CUBN: variants seen among roughly 807,000 people sequenced by gnomAD.
CUBN encodes 460 kDa receptor.
Under a neutral mutation model 405.3 loss-of-function variants are expected in CUBN, and 282 were observed. The ratio of observed to expected loss-of-function variants is 0.70; its 90% confidence interval spans 0.63 to 0.77. CUBN has a LOEUF of 0.77. Among genes scored for constraint, CUBN ranks in the 30% least tolerant of loss-of-function variants. CUBN has a pLI of 0.00. For missense variants in CUBN, 4,514 were observed against 4,475.2 expected (o/e 1.01, Z -0.25); for synonymous variants, 1,684 against 1,617.0 (o/e 1.04, Z -0.99).
chr10:17,105,852 C>A (rs971891089), intron 10 of CUBN, among the ~76,000 whole-genome samples: 6 of 152,228 alleles, frequency 3.9e-5, no homozygotes, highest in Admixed American at 2.0e-4. Context: ...TGGTCCTGAG[C>A]TGTGCACAAA....
At chr10:17,070,062 T>C (rs530965814) in intron 19 of CUBN, among the ~76,000 whole-genome samples, 26 of 152,184 alleles carry the variant, frequency 1.7e-4, no homozygotes, top group Non-Finnish European at 3.1e-4. Flanking sequence ...GTGTATGCTA[T>C]AAGGAAGGGG....
intron 48 of CUBN, among the ~76,000 whole-genome samples, chr10:16,911,202 G>A (rs1588642457): frequency 6.6e-6 from 1 of 152,188 alleles, no homozygotes; most frequent in East Asian, 1.9e-4. Context: ...AAAATGTAAA[G>A]AGGACCCAAT....
intron 63 of CUBN, among the ~76,000 whole-genome samples, chr10:16,835,639 C>T (rs1839146651): frequency 3.5e-5 from 5 of 141,616 alleles, no homozygotes; most frequent in Admixed American, 2.9e-4. Flanking sequence ...TAAAAAAATA[C>T]CAAAAGTACT....
chr10:16,946,251 C>G (rs1842778008), intron 36 of CUBN, among the ~76,000 whole-genome samples: 2 of 152,144 alleles, frequency 1.3e-5, no homozygotes. Flanking sequence ...ACATATACCT[C>G]TCTATCAGTT....
intron 27 of CUBN, among the ~76,000 whole-genome samples, chr10:17,031,800 T>C (rs1446934715): frequency 1.3e-5 from 2 of 152,200 alleles, no homozygotes; most frequent in African/African-American, 4.8e-5. Context: ...AATTTGGAAA[T>C]TGAAGAATCA....
At chr10:17,006,183 GACA>G (rs1834019594) in intron 28 of CUBN, among the ~76,000 whole-genome samples, 2 of 152,200 alleles carry the variant, frequency 1.3e-5, no homozygotes, top group South Asian at 4.1e-4. Flanking sequence ...TCTATATTTA[GACA>G]ACAAGCCCAA....
At chr10:16,841,153 A>G (rs1250512674) in intron 60 of CUBN, 106 bp from the exon 61 acceptor site, 11 of 907,896 alleles carry the variant, frequency 1.2e-5, no homozygotes, top group Non-Finnish European at 1.9e-5. Context: ...ACATTTTTAC[A>G]TTGATTTTCT....
At chr10:16,972,127 C>T (rs1247749809) in intron 31 of CUBN, among the ~76,000 whole-genome samples, 2 of 152,140 alleles carry the variant, frequency 1.3e-5, no homozygotes, top group African/African-American at 4.8e-5. Context: ...TGGTTCTCCA[C>T]CAAGCACTCA....
chr10:16,998,612 T>A (rs1461713571), intron 28 of CUBN, among the ~76,000 whole-genome samples: 2 of 152,246 alleles, frequency 1.3e-5, no homozygotes, highest in Admixed American at 1.3e-4. Context: ...CTTTCCCTGA[T>A]AATTGAGGTG....
At chr10:17,010,329 G>C (rs1422103190) in intron 28 of CUBN, among the ~76,000 whole-genome samples, 2 of 152,150 alleles carry the variant, frequency 1.3e-5, no homozygotes, top group Non-Finnish European at 2.9e-5. Context: ...ACGGATCCAT[G>C]AGTTGACTTA....
chr10:16,891,895 A>C (rs1202686824), intron 54 of CUBN, among the ~76,000 whole-genome samples: 1 of 152,066 alleles, frequency 6.6e-6, no homozygotes, highest in African/African-American at 2.4e-5. Context: ...ACAATCTGCA[A>C]TACCCAATAT....
chr10:17,052,311 T>C (rs1015784104), intron 22 of CUBN, among the ~76,000 whole-genome samples: 6 of 152,138 alleles, frequency 3.9e-5, no homozygotes, highest in Non-Finnish European at 8.8e-5. Flanking sequence ...AGGAAAATGA[T>C]ACCAAACAGA....
intron 64 of CUBN, among the ~76,000 whole-genome samples, chr10:16,833,967 G>A (rs1258095822): frequency 6.6e-6 from 1 of 152,218 alleles, no homozygotes; most frequent in Non-Finnish European, 1.5e-5. Flanking sequence ...AGACTCTTGT[G>A]TGGTACAAAG....
rs181101248 is a variant in CUBN, at chr10:16,946,558, C to G, written c.5342+677G>C. Among the ~76,000 whole-genome samples the G allele has an allele frequency of 1.9e-3, 265 of 142,494 alleles. 1 individual carries two copies. The highest frequency in any genetic ancestry group is 6.7e-3 in the African/African-American group (253 of 37,982). 93.5% of individuals were successfully genotyped at this position (142,494 alleles called of 152,430 possible). ...TTGCCCAAGCTGGAGTGCAGTGGCT[C>G]AATCTCAGTGCACCACAACCTCCAC... On this transcript the variant is annotated intron_variant, in intron 36 of 66. Coordinates refer to ENST00000377833, the MANE Select transcript of CUBN (RefSeq NM_001081.4).
intron 4 of CUBN, among the ~76,000 whole-genome samples, chr10:17,126,219 C>T (rs1393906332): frequency 2.0e-5 from 3 of 152,198 alleles, no homozygotes; most frequent in African/African-American, 7.2e-5. Context: ...AAAAGGTCAG[C>T]TTCCTACAAA....
intron 59 of CUBN, among the ~76,000 whole-genome samples, chr10:16,868,224 C>T (rs1564394274): frequency 6.6e-6 from 1 of 152,144 alleles, no homozygotes; most frequent in Non-Finnish European, 1.5e-5. Flanking sequence ...TTTTCTGATA[C>T]AATTTGTCTT....
intron 6 of CUBN, among the ~76,000 whole-genome samples, chr10:17,118,551 C>T (rs1836958623): frequency 6.6e-6 from 1 of 152,208 alleles, no homozygotes; most frequent in African/African-American, 2.4e-5. Context: ...ATCTTCCCAC[C>T]TCTGCCTCTC....
At chr10:16,940,651 A>C (rs924236137) in intron 36 of CUBN, among the ~76,000 whole-genome samples, 3 of 152,228 alleles carry the variant, frequency 2.0e-5, no homozygotes, top group African/African-American at 7.2e-5. Flanking sequence ...GCTGGATGTA[A>C]GCACTATAGA....
At chr10:17,122,997 A>C in intron 5 of CUBN, 99 bp from the exon 6 acceptor site, 1 of 816,642 alleles carries the variant, frequency 1.2e-6, no homozygotes, top group Admixed American at 1.9e-5. Context: ...CGTGGACAGT[A>C]TATAAGTCCT....
Sources: allele counts gnomAD v4.1 joint callset (sites outside exome capture counted in the v4.1 genomes callset), GRCh38; gene constraint gnomAD v4.1.1; transcripts MANE v1.5; gene names NCBI Gene and HGNC (gene_info 2026-07-23, HGNC 2026-07-21).